The following ANO4 variants were observed in gnomAD, a reference collection of about 807,000 sequenced individuals.
ANO4 encodes anoctamin-4.
ANO4 carries 69 observed loss-of-function variants against 141.9 expected under a neutral mutation model. The ratio of observed to expected loss-of-function variants is 0.49; its 90% CI spans 0.40 to 0.59. The LOEUF is 0.59. Ranked by LOEUF, ANO4 falls within the 20% of genes least tolerant of loss-of-function variation. The pLI, the probability that ANO4 is intolerant of heterozygous loss-of-function variation, is 0.00. For missense variants in ANO4, 894 were observed against 1,162.2 expected (o/e 0.77, Z 3.36); for synonymous variants, 350 against 394.3 (o/e 0.89, Z 1.33).
chr12:100,890,594 T>TA (rs1166999519), intron 1 of ANO4, among the ~76,000 whole-genome samples: 1 of 152,196 alleles, frequency 6.6e-6, no homozygotes, highest in Non-Finnish European at 1.5e-5. Flanking sequence ...CCCATTTTCT[T>TA]ATGTTACCAG....
chr12:100,975,524 CG>C (rs1268063906), intron 7 of ANO4, among the ~76,000 whole-genome samples: 2 of 43,922 alleles, frequency 4.6e-5, no homozygotes, highest in South Asian at 8.7e-4. Flanking sequence ...TGGGTTCAAG[CG>C]ATTCTCCTGC....
At chr12:101,117,099 A>T (rs137918905) in intron 25 of ANO4, among the ~76,000 whole-genome samples, 2 of 152,308 alleles carry the variant, frequency 1.3e-5, no homozygotes, top group East Asian at 3.9e-4. Context: ...TGCTCCAGGG[A>T]CTCAGGGACA....
At chr12:101,035,064 A>G (rs977515735) in intron 9 of ANO4, among the ~76,000 whole-genome samples, 6 of 152,200 alleles carry the variant, frequency 3.9e-5, no homozygotes, top group African/African-American at 1.4e-4. Flanking sequence ...AAGAAAGTTA[A>G]AGCATATATT....
At chr12:101,000,729 C>T (rs4764777) in intron 8 of ANO4, among the ~76,000 whole-genome samples, 34,227 of 152,056 alleles carry the variant, frequency 0.23, 4,611 homozygotes, top group African/African-American at 0.37. Context: ...CAAGATCATA[C>T]AGCTCCTTTT....
Position 100,939,388 on chromosome 12 carries a change from TCTTCACC to T in ANO4, c.237_243del (p.His80GlufsTer3). On this transcript the variant is annotated frameshift_variant, in exon 4 of 28. Coordinates refer to ENST00000392977, the MANE Select transcript of ANO4 (RefSeq NM_001286615.2). LOFTEE classifies it high-confidence loss of function. ...GTCCTTGCAAAGATGACGATTCTCT[TCTTCACC>T]CTGGAAACCTGACTAGTACTTCAGA... 1 of 1,613,834 alleles carries T rather than the reference TCTTCACC, an allele frequency of 6.2e-7. No individual in the cohort carries two copies. Among genetic ancestry groups the T allele is most frequent in the Middle Eastern group, 1.7e-4 (1 of 6,060 alleles).
chr12:100,956,755 G>C (rs1262038216), intron 5 of ANO4, among the ~76,000 whole-genome samples: 1 of 152,120 alleles, frequency 6.6e-6, no homozygotes, highest in Non-Finnish European at 1.5e-5. Flanking sequence ...TTCGCTGTTC[G>C]CTGTTGCTTC....
chr12:100,847,573 G>A (rs1185783475), intron 1 of ANO4, among the ~76,000 whole-genome samples: 3 of 150,868 alleles, frequency 2.0e-5, no homozygotes, highest in East Asian at 3.9e-4. Flanking sequence ...CCGGGTTCAC[G>A]CCATTCTCCT....
At chr12:101,021,092 G>A (rs1249243894) in intron 9 of ANO4, among the ~76,000 whole-genome samples, 1 of 152,168 alleles carries the variant, frequency 6.6e-6, no homozygotes, top group Non-Finnish European at 1.5e-5. Flanking sequence ...AAGACTCCTC[G>A]CTACAATGCT....
At chr12:100,721,832 C>A (rs2030879871) in intron 1 of ANO4, among the ~76,000 whole-genome samples, 1 of 151,752 alleles carries the variant, frequency 6.6e-6, no homozygotes, top group Non-Finnish European at 1.5e-5. Context: ...GTGTGGGTCA[C>A]CATGCCAGGC....
chr12:101,011,068 C>T (rs1002455091), intron 8 of ANO4, among the ~76,000 whole-genome samples: 7 of 152,132 alleles, frequency 4.6e-5, no homozygotes, highest in African/African-American at 1.2e-4. Flanking sequence ...ATTTCTGTCT[C>T]CACATGGCTC....
chr12:100,879,499 G>A (rs1042769871), intron 1 of ANO4, among the ~76,000 whole-genome samples: 1 of 152,068 alleles, frequency 6.6e-6, no homozygotes, highest in Non-Finnish European at 1.5e-5. Flanking sequence ...TTCCTCTTTT[G>A]CATCTATTTC....
chr12:101,058,265 C>A (rs1368896476), intron 14 of ANO4, among the ~76,000 whole-genome samples: 2 of 151,952 alleles, frequency 1.3e-5, no homozygotes, highest in Admixed American at 6.6e-5. Flanking sequence ...GTTACTGTAG[C>A]CTTGTAGTAT....
chr12:101,100,368 T>C (rs2050144273), intron 22 of ANO4, among the ~76,000 whole-genome samples: 1 of 152,108 alleles, frequency 6.6e-6, no homozygotes, highest in Admixed American at 6.5e-5. Context: ...CTTCTAAAGG[T>C]AGCAGTTCTT....
intron 14 of ANO4, among the ~76,000 whole-genome samples, chr12:101,071,751 T>C (rs577565413): frequency 6.6e-6 from 1 of 152,300 alleles, no homozygotes; most frequent in Non-Finnish European, 1.5e-5. Flanking sequence ...ATACTCGATT[T>C]TCCATGATGT....
At chr12:100,859,216 C>G (rs927013347) in intron 1 of ANO4, 1 of 152,124 alleles carries the variant, frequency 6.6e-6, no homozygotes, top group Non-Finnish European at 1.5e-5. Context: ...GGCCATATGA[C>G]TTGACTTGTT....
chr12:100,979,544 G>T (rs531535840), intron 7 of ANO4, among the ~76,000 whole-genome samples: 1 of 152,108 alleles, frequency 6.6e-6, no homozygotes, highest in South Asian at 2.1e-4. Context: ...GGCAATGAGG[G>T]TTCACTGCTA....
chr12:100,809,589 G>C (rs2035273404), intron 1 of ANO4, among the ~76,000 whole-genome samples: 1 of 152,188 alleles, frequency 6.6e-6, no homozygotes, highest in African/African-American at 2.4e-5. Flanking sequence ...AAACTAGCAA[G>C]TGCAAAGGCA....
At chr12:100,801,052 G>T (rs1352592203) in intron 1 of ANO4, among the ~76,000 whole-genome samples, 1 of 151,020 alleles carries the variant, frequency 6.6e-6, no homozygotes, top group Non-Finnish European at 1.5e-5. Context: ...TATCTCTGTT[G>T]TTCTGTATCC....
intron 1 of ANO4, among the ~76,000 whole-genome samples, chr12:100,871,297 TTCAA>T (rs1189828821): frequency 6.6e-6 from 1 of 152,226 alleles, no homozygotes; most frequent in African/African-American, 2.4e-5. Flanking sequence ...TAGCAGTTTC[TTCAA>T]TCAAACTCTG....
Sources: allele counts gnomAD v4.1 joint callset (sites outside exome capture counted in the v4.1 genomes callset), GRCh38; gene constraint gnomAD v4.1.1; transcripts MANE v1.5; gene names NCBI Gene and HGNC (gene_info 2026-07-23, HGNC 2026-07-21).